DGKB: variants seen among roughly 807,000 people sequenced by gnomAD.
The protein encoded by DGKB is diacylglycerol kinase beta.
A neutral mutation model predicts 114.3 loss-of-function variants in DGKB; 67 were observed. The ratio of observed to expected loss-of-function variants is 0.59; its 90% CI spans 0.48 to 0.72. The LOEUF (loss-of-function observed/expected upper bound fraction) is 0.72. Among genes scored for constraint, DGKB ranks in the 30% least tolerant of loss-of-function variants. DGKB has a pLI of 0.00. For missense variants in DGKB, 907 were observed against 975.2 expected, an observed-to-expected ratio of 0.93 and a Z score of 0.93; for synonymous variants, 398 against 323.1, an observed-to-expected ratio of 1.23 and a Z score of -2.49.
rs1185988466 is a variant in DGKB at position 14,757,794 on chromosome 7, C to A, written c.71-63G>T. On this transcript the variant is annotated intron_variant, in intron 2 of 25. Coordinates refer to ENST00000402815, the MANE Select transcript of DGKB (RefSeq NM_001350709.2). ...ACATACTGTGGTTGTGTAGCCCAGT[C>A]CAGAAACAGAGACCACTTAAAATGT... The A allele has an allele frequency of 8.5e-6, 7 of 826,080 alleles. No individual in the cohort carries two copies. In the Admixed American group the frequency reaches 9.6e-5, roughly 11 times the overall value. 51.2% of individuals were successfully genotyped at this position (826,080 alleles called of 1,614,324 possible).
intron 23 of DGKB, among the ~76,000 whole-genome samples, chr7:14,336,304 G>A (rs1166944218): frequency 2.0e-5 from 3 of 151,986 alleles, no homozygotes; most frequent in Admixed American, 2.0e-4. Context: ...TATATAACAG[G>A]TTTTTAAAAA....
At chr7:14,387,411 C>CAAA (rs34477734) in intron 21 of DGKB, among the ~76,000 whole-genome samples, 1 of 102,424 alleles carries the variant, frequency 9.8e-6, no homozygotes, top group African/African-American at 3.9e-5. Context: ...GACTCCATCT[C>CAAA]AAAAAAAAAA....
intron 23 of DGKB, among the ~76,000 whole-genome samples, chr7:14,264,548 G>A (rs915153253): frequency 1.3e-5 from 2 of 152,086 alleles, no homozygotes; most frequent in African/African-American, 2.4e-5. Flanking sequence ...AATGAACAGG[G>A]CCTAAACCTT....
At chr7:14,239,855 T>A (rs1019207089) in intron 23 of DGKB, among the ~76,000 whole-genome samples, 8 of 151,980 alleles carry the variant, frequency 5.3e-5, no homozygotes, top group African/African-American at 1.9e-4. Flanking sequence ...TAAGACTCTA[T>A]CTATCTATTA....
At position 14,932,260 on chromosome 7, in the gene DGKB, C is replaced by G. The variant is rs1785059079; in HGVS notation, c.-188+42436G>C. Reference sequence around the variant, plus strand: ...TGATTCCCAGCCAGTCCCAGACACTCAGGCTACCTATTTTCCTTCTTCATC... The same window carrying G: ...TGATTCCCAGCCAGTCCCAGACACTGAGGCTACCTATTTTCCTTCTTCATC... On this transcript the variant is annotated intron_variant, in intron 1 of 4. Coordinates refer to the DGKB transcript ENST00000437998. Among the ~76,000 whole-genome samples, 3 of 152,248 alleles carry G rather than the reference C, an allele frequency of 2.0e-5. No individual in the cohort carries two copies. The South Asian group carries it at 6.2e-4, about 32-fold the overall frequency.
At chr7:14,466,161 C>G (rs1167147720) in intron 21 of DGKB, among the ~76,000 whole-genome samples, 1 of 152,116 alleles carries the variant, frequency 6.6e-6, no homozygotes, top group Non-Finnish European at 1.5e-5. Context: ...ATGAGGTAAT[C>G]AAACTGGTCT....
chr7:14,635,497 T>G (rs1448818719), intron 13 of DGKB, among the ~76,000 whole-genome samples: 3 of 151,350 alleles, frequency 2.0e-5, no homozygotes, highest in Admixed American at 2.0e-4. Flanking sequence ...AAACTGTTCT[T>G]TCCAAAGACT....
At chr7:14,658,837 T>C (rs535278550) in intron 13 of DGKB, among the ~76,000 whole-genome samples, 6 of 152,134 alleles carry the variant, frequency 3.9e-5, no homozygotes, top group Non-Finnish European at 8.8e-5. Context: ...CAAATAGTTT[T>C]GTTGTCCTTT....
intron 10 of DGKB, among the ~76,000 whole-genome samples, chr7:14,685,015 C>T (rs1184449438): frequency 6.6e-6 from 1 of 152,058 alleles, no homozygotes; most frequent in African/African-American, 2.4e-5. Context: ...AAGAAAATTG[C>T]TGAAGACTTG....
At position 14,148,208 on chromosome 7, in the gene DGKB, T is replaced by C. The variant is rs775527081; in HGVS notation, c.*923A>G. 1.3e-5 allele frequency: 2 copies of C among 152,628 alleles called. No homozygotes were observed. The highest frequency in any genetic ancestry group is 2.9e-5 in the Non-Finnish European group (2 of 68,030). The allele number at this position is 152,628 out of a possible 1,614,324, so 9.5% of individuals were successfully genotyped here. On this transcript the variant is annotated 3_prime_UTR_variant, in exon 26 of 26. Coordinates refer to ENST00000402815, the MANE Select transcript of DGKB (RefSeq NM_001350709.2). ...CATAATTAATGGGCAACTCACTCGC[T>C]TTCCAGCATTTTAGTCATCACAAAA...
At chr7:14,510,704 C>T (rs188405837) in intron 20 of DGKB, among the ~76,000 whole-genome samples, 8 of 152,180 alleles carry the variant, frequency 5.3e-5, no homozygotes, top group African/African-American at 1.9e-4. Flanking sequence ...TTTCCCAGGT[C>T]CATTTGATGA....
At chr7:14,331,327 C>G (rs1208080391) in intron 23 of DGKB, among the ~76,000 whole-genome samples, 39 of 151,934 alleles carry the variant, frequency 2.6e-4, no homozygotes, top group Admixed American at 2.2e-3. Context: ...GCATGAAATC[C>G]TTTTCTTGTT....
intron 1 of DGKB, among the ~76,000 whole-genome samples, chr7:14,955,888 A>G (rs1786474455): frequency 6.6e-6 from 1 of 151,990 alleles, no homozygotes; most frequent in Non-Finnish European, 1.5e-5. Context: ...TCATAACCTA[A>G]TTTGATTTCA....
At chr7:14,869,888 G>C (rs1340383406) in intron 1 of DGKB, among the ~76,000 whole-genome samples, 1 of 152,052 alleles carries the variant, frequency 6.6e-6, no homozygotes, top group Non-Finnish European at 1.5e-5. Flanking sequence ...TGCTATACCA[G>C]ATCTAGTTTA....
At position 14,544,997 on chromosome 7, in the gene DGKB, T is replaced by TA. The variant is rs1322793902; in HGVS notation, c.1770+29214dup. Reference sequence around the variant, plus strand: ...GTTGATGCCAAAATGTTTTTTTTTTTAAAAAACAGATTTTAAACATTCCCA... The same window carrying TA: ...GTTGATGCCAAAATGTTTTTTTTTTTAAAAAAACAGATTTTAAACATTCCCA... On this transcript the variant is annotated intron_variant, in intron 20 of 25. Transcript: ENST00000402815. Among the ~76,000 whole-genome samples, 483 of 151,872 alleles carry TA rather than the reference T, an allele frequency of 3.2e-3. 5 individuals carry two copies. Among genetic ancestry groups the TA allele is most frequent in the African/African-American group, 0.011 (441 of 41,434 alleles).
intron 23 of DGKB, among the ~76,000 whole-genome samples, chr7:14,200,718 A>G (rs1458028180): frequency 6.6e-6 from 1 of 152,138 alleles, no homozygotes; most frequent in East Asian, 1.9e-4. Context: ...GATAGATGTA[A>G]AAAGCTATTA....
chr7:14,645,944 A>G (rs1812907562), intron 13 of DGKB, among the ~76,000 whole-genome samples: 1 of 152,180 alleles, frequency 6.6e-6, no homozygotes, highest in African/African-American at 2.4e-5. Flanking sequence ...TGCAAAAAAT[A>G]ACTTAAGAGA....
At chr7:14,365,833 G>A (rs1816582688) in intron 21 of DGKB, among the ~76,000 whole-genome samples, 2 of 152,104 alleles carry the variant, frequency 1.3e-5, no homozygotes, top group Admixed American at 1.3e-4. Context: ...CAATTAGTCT[G>A]TAAATAGCTT....
intron 12 of DGKB, among the ~76,000 whole-genome samples, chr7:14,673,616 TTAAG>T (rs1200796431): frequency 1.3e-5 from 2 of 152,068 alleles, no homozygotes; most frequent in African/African-American, 2.4e-5. Context: ...CAGCTCAACG[TTAAG>T]TTAGTATATA....
Sources: allele counts gnomAD v4.1 joint callset (sites outside exome capture counted in the v4.1 genomes callset), GRCh38; gene constraint gnomAD v4.1.1; transcripts MANE v1.5; gene names NCBI Gene and HGNC (gene_info 2026-07-23, HGNC 2026-07-21).